RMDN2: variants seen among roughly 807,000 people sequenced by gnomAD.
RMDN2 encodes regulator of microtubule dynamics 2.
RMDN2 carries 61 observed loss-of-function variants against 52.8 expected under a neutral mutation model. That is an observed-to-expected ratio of 1.16 (90% CI 0.94 to 1.43). The LOEUF (loss-of-function observed/expected upper bound fraction) is 1.43. Among genes scored for constraint, RMDN2 ranks in the 40% most tolerant of loss-of-function variants. The pLI is 0.00. For synonymous variants in RMDN2, 180 were observed against 153.1 expected (o/e 1.18, Z -1.30); for missense variants, 592 against 475.3 (o/e 1.25, Z -2.28).
chr2:37,965,615 C>G (rs1670936824), intron 2 of RMDN2, among the ~76,000 whole-genome samples: 1 of 151,982 alleles, frequency 6.6e-6, no homozygotes, highest in Non-Finnish European at 1.5e-5. Context: ...TTACTTTTCT[C>G]TTTAGATGAT....
At position 37,990,836 on chromosome 2, in the gene RMDN2, C is replaced by T. The variant is rs1243923580; in HGVS notation, c.868-384C>T. 3.9e-5 allele frequency among the ~76,000 whole-genome samples: 6 copies of T among 152,276 alleles called. No individual in the cohort carries two copies. In the South Asian group the frequency reaches 6.2e-4, roughly 16 times the overall value. On this transcript the variant is annotated intron_variant, in intron 6 of 10. Transcript: ENST00000354545. ...ATGCCAGAGGAATAGGTTTCTCCCC[C>T]ATCTAACTCTGCTATTTTTTCTGCC... is the stretch of plus-strand genomic sequence containing the variant.
upstream of RMDN2, among the ~76,000 whole-genome samples, chr2:37,921,504 G>T (rs1045899276): frequency 6.6e-6 from 1 of 152,178 alleles, no homozygotes; most frequent in African/African-American, 2.4e-5. Context: ...GTAAACTGCA[G>T]AAAACCCCCC....
At chr2:37,971,494 T>A (rs772431284) in intron 2 of RMDN2, among the ~76,000 whole-genome samples, 10 of 152,226 alleles carry the variant, frequency 6.6e-5, no homozygotes, top group Non-Finnish European at 1.3e-4. Context: ...TATTTTGTAC[T>A]AGATTTTTAA....
chr2:38,000,472 G>T (rs1172037487), intron 8 of RMDN2, among the ~76,000 whole-genome samples: 2 of 152,200 alleles, frequency 1.3e-5, no homozygotes, highest in Non-Finnish European at 2.9e-5. Flanking sequence ...CATCATCCTA[G>T]AGAGTTTTCT....
intron 10 of RMDN2, chr2:38,030,939 T>G (rs1573181064): frequency 6.6e-6 from 1 of 152,022 alleles, no homozygotes; most frequent in East Asian, 1.9e-4. Flanking sequence ...TTCATTTTTC[T>G]AAAAAGTGCT....
intron 2 of RMDN2, among the ~76,000 whole-genome samples, chr2:37,959,875 A>G (rs1313478431): frequency 1.3e-5 from 2 of 150,738 alleles, no homozygotes; most frequent in Non-Finnish European, 2.9e-5. Flanking sequence ...GTTTCAAGGA[A>G]CTTATTTCTG....
intron 4 of RMDN2, among the ~76,000 whole-genome samples, chr2:37,978,260 G>T (rs1007269154): frequency 6.7e-6 from 1 of 148,526 alleles, no homozygotes; most frequent in African/African-American, 2.5e-5. Flanking sequence ...AGTGAGTCGA[G>T]ATGGCGGCAG....
At chr2:37,944,102 C>T (rs773207992) in intron 2 of RMDN2, among the ~76,000 whole-genome samples, 8 of 152,228 alleles carry the variant, frequency 5.3e-5, no homozygotes, top group Middle Eastern at 3.4e-3. Context: ...CTGCACCACC[C>T]AAGTTTTGCC....
Position 37,974,100 on chromosome 2 carries a change from C to T in RMDN2, c.513C>T (p.Asn171=), listed in dbSNP as rs1446574796. Residue 171 remains asparagine (N), a synonymous_variant, in exon 3 of 11, where the codon AAC becomes AAT. Coordinates refer to ENST00000354545, the MANE Select transcript of RMDN2 (RefSeq NM_001170791.3). The part of the protein sequence containing the change: ...EQSFPVPKAF[N]TRVEELNLDV... Reference sequence around the variant, plus strand: ...GTTTTCCAGTCCCTAAGGCATTTAACACACGTGTAGAGGAATTAAATTTAG... The same window carrying T: ...GTTTTCCAGTCCCTAAGGCATTTAATACACGTGTAGAGGAATTAAATTTAG... 1 of 1,612,668 alleles carries T rather than the reference C, an allele frequency of 6.2e-7. No individual in the cohort carries two copies. Among genetic ancestry groups the T allele is most frequent in the Non-Finnish European group, 8.5e-7 (1 of 1,178,978 alleles).
chr2:37,929,348 T>C lies in RMDN2; in HGVS notation c.71T>C (p.Leu24Pro), dbSNP rs1027229811. 1 of 1,551,636 alleles carries C rather than the reference T, an allele frequency of 6.4e-7. No homozygotes were observed. Among genetic ancestry groups the C allele is most frequent in the Non-Finnish European group, 8.7e-7 (1 of 1,146,648 alleles). The change falls in exon 2 of 11, where the codon CTC (leucine) becomes CCC (proline). Residue 24 changes from leucine (L) to proline (P), a missense_variant. Coordinates refer to ENST00000354545, the MANE Select transcript of RMDN2 (RefSeq NM_001170791.3). ...MVGTAGISLL[L>P]LWYHKVRKPG... is the part of the protein sequence containing the mutation. The stretch of plus-strand genomic sequence containing the variant: ...GGCACTGCTGGAATCAGCTTGCTGC[T>C]CTTGTGGTACCACAAGGTCCGTAAA...
chr2:37,982,108 G>T (rs774979085), intron 5 of RMDN2, among the ~76,000 whole-genome samples: 1 of 151,978 alleles, frequency 6.6e-6, no homozygotes, highest in Non-Finnish European at 1.5e-5. Flanking sequence ...CTTCTTTGCG[G>T]TTACTTTATT....
In RMDN2 at chr2:37,991,285, A is replaced by G. The variant is rs776173419; in HGVS notation, c.933A>G (p.Arg311=). The G allele has an allele frequency of 6.6e-7, 1 of 1,513,042 alleles. No homozygotes were observed. The highest frequency in any genetic ancestry group is 9.0e-7 in the Non-Finnish European group (1 of 1,113,642). The allele number at this position is 1,513,042 out of a possible 1,614,324, so 93.7% of individuals were successfully genotyped here. A position where few individuals can be genotyped will look rare whatever the true frequency, so the allele number is the denominator to read the frequency against. Reference sequence around the variant, plus strand: ...CCTTTCTATATTACCTCAAAGGGAGATACTGCTATACTGTAAGTTGAATGC... The same window carrying G: ...CCTTTCTATATTACCTCAAAGGGAGGTACTGCTATACTGTAAGTTGAATGC... ...EEPFLYYLKG[R]YCYTVSKLSW... is the part of the protein sequence containing the mutation. The change falls in exon 7 of 11, where the codon AGA becomes AGG. Residue 311 remains arginine, a synonymous_variant. Transcript: ENST00000354545.
chr2:37,961,032 C>T (rs1670158812), intron 2 of RMDN2, among the ~76,000 whole-genome samples: 1 of 152,176 alleles, frequency 6.6e-6, no homozygotes, highest in Non-Finnish European at 1.5e-5. Flanking sequence ...TCTTTTCTGG[C>T]TTGTAGGGTT....
chr2:38,045,837 TG>T (rs1235294841), intron 10 of RMDN2, among the ~76,000 whole-genome samples: 1 of 152,228 alleles, frequency 6.6e-6, no homozygotes, highest in Non-Finnish European at 1.5e-5. Context: ...AGACTTGATT[TG>T]GAACAAAGCA....
At chr2:37,946,232 C>T (rs937837297) in intron 2 of RMDN2, among the ~76,000 whole-genome samples, 1 of 151,866 alleles carries the variant, frequency 6.6e-6, no homozygotes, top group African/African-American at 2.4e-5. Flanking sequence ...AAAGTAGATA[C>T]CTTTGTGGGT....
chr2:37,961,157 T>C (rs562741645), intron 2 of RMDN2, among the ~76,000 whole-genome samples: 3 of 152,258 alleles, frequency 2.0e-5, no homozygotes, highest in South Asian at 2.1e-4. Context: ...AATCTGATGA[T>C]TATGTGTCTT....
intron 10 of RMDN2, among the ~76,000 whole-genome samples, chr2:38,035,383 TC>T (rs1362940795): frequency 1.3e-5 from 2 of 152,216 alleles, no homozygotes; most frequent in Non-Finnish European, 2.9e-5. Context: ...CTTCAATTAA[TC>T]TACAAATTTG....
At chr2:37,932,115 G>T (rs1017456788) in intron 2 of RMDN2, among the ~76,000 whole-genome samples, 1 of 151,764 alleles carries the variant, frequency 6.6e-6, no homozygotes, top group Non-Finnish European at 1.5e-5. Context: ...CGCAGAGGGG[G>T]ATTTGGCAGG....
intron 10 of RMDN2, 144 bp downstream of exon 10, chr2:38,004,360 AT>A: frequency 1.6e-6 from 1 of 629,732 alleles, no homozygotes; most frequent in South Asian, 2.0e-5. Flanking sequence ...TTGAAGTATA[AT>A]TGACAAAAAC....
Sources: allele counts gnomAD v4.1 joint callset (sites outside exome capture counted in the v4.1 genomes callset), GRCh38; gene constraint gnomAD v4.1.1; transcripts MANE v1.5; gene names NCBI Gene and HGNC (gene_info 2026-07-23, HGNC 2026-07-21).